The following NCAM1 variants were observed in gnomAD, a reference collection of about 807,000 sequenced individuals.
The protein encoded by NCAM1 is antigen recognized by monoclonal antibody 5.1H11.
A neutral mutation model predicts 109.8 loss-of-function variants in NCAM1; 14 were observed. The observed-to-expected ratio is 0.13, with a 90% CI of 0.08 to 0.20. The LOEUF (loss-of-function observed/expected upper bound fraction) is 0.20. NCAM1 is among the 10% of genes least tolerant of loss of function. The pLI is 1.00. For synonymous variants in NCAM1, 418 were observed against 442.9 expected (o/e 0.94, Z 0.70); for missense variants, 774 against 1,109.9 (o/e 0.70, Z 4.30).
intron 1 of NCAM1, among the ~76,000 whole-genome samples, chr11:113,035,543 C>G (rs1365977301): frequency 6.6e-6 from 1 of 151,962 alleles, no homozygotes; most frequent in African/African-American, 2.4e-5. Context: ...ATGTATTGTT[C>G]TTTTTTAAGA....
intron 1 of NCAM1, among the ~76,000 whole-genome samples, chr11:113,174,320 C>A (rs1943083640): frequency 6.6e-6 from 1 of 152,174 alleles, no homozygotes; most frequent in South Asian, 2.1e-4. Context: ...AGATAAGACT[C>A]CATTTCCCCG....
At chr11:113,132,101 T>A (rs1450968523) in intron 1 of NCAM1, among the ~76,000 whole-genome samples, 7 of 152,184 alleles carry the variant, frequency 4.6e-5, no homozygotes, top group Non-Finnish European at 1.0e-4. Flanking sequence ...CCTCCATGAC[T>A]TTGCAGTCCT....
At chr11:113,188,114 C>G (rs782578501) in intron 1 of NCAM1, among the ~76,000 whole-genome samples, 4 of 152,252 alleles carry the variant, frequency 2.6e-5, no homozygotes, top group Non-Finnish European at 4.4e-5. Flanking sequence ...GTAACATATT[C>G]AGAAAGCTCA....
intron 1 of NCAM1, among the ~76,000 whole-genome samples, chr11:113,188,696 TC>T (rs1943586568): frequency 1.3e-5 from 2 of 152,302 alleles, no homozygotes; most frequent in African/African-American, 4.8e-5. Flanking sequence ...TGACCTGGGT[TC>T]TTTTTAAGGA....
intron 13 of NCAM1, among the ~76,000 whole-genome samples, chr11:113,234,235 A>G (rs1367584161): frequency 1.4e-5 from 2 of 148,068 alleles, no homozygotes; most frequent in East Asian, 2.0e-4. Context: ...GGTTGATCTC[A>G]TGTCACTATC....
chr11:113,115,823 G>T (rs1555094742), intron 1 of NCAM1, among the ~76,000 whole-genome samples: 1 of 152,206 alleles, frequency 6.6e-6, no homozygotes, highest in African/African-American at 2.4e-5. Flanking sequence ...ATTCTGCCCA[G>T]CTAAATGGTG....
chr11:113,208,864 C>T (rs1315541686), intron 7 of NCAM1, among the ~76,000 whole-genome samples: 2 of 152,122 alleles, frequency 1.3e-5, no homozygotes, highest in African/African-American at 4.8e-5. Context: ...TGGCATAGGC[C>T]CTTGGTAACT....
At chr11:112,981,761 C>T (rs1555068811) in intron 1 of NCAM1, among the ~76,000 whole-genome samples, 1 of 151,898 alleles carries the variant, frequency 6.6e-6, no homozygotes, top group East Asian at 1.9e-4. Context: ...TTTGAAAGTT[C>T]ATCTCATTTA....
At chr11:113,151,443 G>C (rs1300860816) in intron 1 of NCAM1, among the ~76,000 whole-genome samples, 1 of 152,136 alleles carries the variant, frequency 6.6e-6, no homozygotes, top group Non-Finnish European at 1.5e-5. Flanking sequence ...TCACTCCTGG[G>C]GAGGCTGAAA....
rs781948525 is a variant in NCAM1 at position 113,108,650 on chromosome 11, T to C, written c.53-93729T>C. ...TTCTTCATATGCTCATAAATCCCAA[T>C]CTAAGCACTTTGTACTATCTGAAAT... On this transcript the variant is annotated intron_variant, in intron 1 of 19. Coordinates refer to ENST00000316851, the MANE Select transcript of NCAM1 (RefSeq NM_181351.5). 1.6e-4 allele frequency among the ~76,000 whole-genome samples: 24 copies of C among 152,206 alleles called. 1 individual carries two copies. The highest frequency in any genetic ancestry group is 2.6e-4 in the Non-Finnish European group (18 of 68,042).
intron 1 of NCAM1, among the ~76,000 whole-genome samples, chr11:113,003,363 C>T (rs1394794415): frequency 6.6e-6 from 1 of 152,228 alleles, no homozygotes; most frequent in Non-Finnish European, 1.5e-5. Flanking sequence ...TCATAGTGCT[C>T]ATGATCAGCA....
intron 1 of NCAM1, among the ~76,000 whole-genome samples, chr11:113,187,163 G>A (rs570260156): frequency 2.0e-5 from 3 of 152,306 alleles, no homozygotes; most frequent in South Asian, 2.1e-4. Flanking sequence ...AGCCAAATTC[G>A]TGTTTGACTG....
intron 15 of NCAM1, among the ~76,000 whole-genome samples, chr11:113,251,126 C>G (rs1020505212): frequency 6.6e-6 from 1 of 152,180 alleles, no homozygotes; most frequent in Non-Finnish European, 1.5e-5. Context: ...CTTGAGGATG[C>G]CTGTTTGGCA....
intron 1 of NCAM1, among the ~76,000 whole-genome samples, chr11:113,137,183 G>T (rs887602985): frequency 6.6e-6 from 1 of 152,152 alleles, no homozygotes; most frequent in Non-Finnish European, 1.5e-5. Context: ...AGTGGCCATG[G>T]TTTCTTTCCC....
chr11:113,140,540 C>G (rs932793104), intron 1 of NCAM1, among the ~76,000 whole-genome samples: 6 of 152,126 alleles, frequency 3.9e-5, no homozygotes, highest in African/African-American at 1.4e-4. Flanking sequence ...AACCTTAGGC[C>G]TTTTATAACA....
At chr11:113,190,917 C>T (rs914830249) in intron 1 of NCAM1, among the ~76,000 whole-genome samples, 1 of 152,114 alleles carries the variant, frequency 6.6e-6, no homozygotes, top group African/African-American at 2.4e-5. Flanking sequence ...TGCTTGGAGA[C>T]AGCACAAGTT....
intron 1 of NCAM1, among the ~76,000 whole-genome samples, chr11:113,040,407 G>C (rs1347612001): frequency 6.6e-6 from 1 of 152,094 alleles, no homozygotes; most frequent in Non-Finnish European, 1.5e-5. Flanking sequence ...CTTAAAAAGG[G>C]GACAGCAAAC....
chr11:113,037,177 C>T (rs999544231), intron 1 of NCAM1, among the ~76,000 whole-genome samples: 1 of 152,138 alleles, frequency 6.6e-6, no homozygotes, highest in Non-Finnish European at 1.5e-5. Flanking sequence ...ACAAAGTGCT[C>T]CCACATTTTT....
chr11:113,118,462 C>T (rs1247817210), intron 1 of NCAM1, among the ~76,000 whole-genome samples: 1 of 151,982 alleles, frequency 6.6e-6, no homozygotes, highest in African/African-American at 2.4e-5. Flanking sequence ...GGCCTAAAAG[C>T]ACCTGCCTCA....
Sources: allele counts gnomAD v4.1 joint callset (sites outside exome capture counted in the v4.1 genomes callset), GRCh38; gene constraint gnomAD v4.1.1; transcripts MANE v1.5; gene names NCBI Gene and HGNC (gene_info 2026-07-23, HGNC 2026-07-21).